The following CISD2 variants were observed in gnomAD, a reference collection of about 807,000 sequenced individuals.
The protein encoded by CISD2 is CDGSH iron sulfur domain 2, also known as CDGSH iron-sulfur domain-containing protein 2.
In CISD2, 1 loss-of-function variant was observed where a neutral mutation model predicts 12.9. The ratio of observed to expected loss-of-function variants is 0.08; its 90% confidence interval spans 0.03 to 0.37. The LOEUF (loss-of-function observed/expected upper bound fraction) is 0.37, where lower values mean the gene tolerates loss of function less well. Among genes scored for constraint, CISD2 ranks in the 10% least tolerant of loss-of-function variants. CISD2 has a pLI of 0.99. For synonymous variants in CISD2, 50 were observed against 60.6 expected, an observed-to-expected ratio of 0.83 and a Z score of 0.81; for missense variants, 97 against 163.1, an observed-to-expected ratio of 0.59 and a Z score of 2.21.
intron 1 of CISD2, 157 bp from the exon 2 acceptor site, chr4:102,885,059 C>A: frequency 1.5e-6 from 1 of 650,836 alleles, no homozygotes; most frequent in Non-Finnish European, 2.8e-6. Flanking sequence ...TTTGGTAGAG[C>A]TGGCTTTATT....
chr4:102,873,412 C>G (rs946386069), intron 1 of CISD2, among the ~76,000 whole-genome samples: 10 of 152,068 alleles, frequency 6.6e-5, no homozygotes, highest in African/African-American at 2.4e-4. Context: ...GCTGGTACTA[C>G]AGGTGCACGC....
intron 1 of CISD2, among the ~76,000 whole-genome samples, chr4:102,883,796 T>C (rs1733786858): frequency 6.6e-6 from 1 of 152,246 alleles, no homozygotes; most frequent in Non-Finnish European, 1.5e-5. Context: ...TTCCTGAAGA[T>C]TTTTGCCCAT....
At chr4:102,877,319 C>G (rs1733615021) in intron 1 of CISD2, among the ~76,000 whole-genome samples, 1 of 152,168 alleles carries the variant, frequency 6.6e-6, no homozygotes. Flanking sequence ...ACACCTATTC[C>G]AAATGGGCAA....
rs142339135 is a variant in CISD2 at position 102,869,136 on chromosome 4, C to T, written c.52C>T (p.Leu18=). The part of the protein sequence containing the change: ...RIVKVQLPAY[L]KRLPVPESIT... ...CGTGAAGGTGCAGCTCCCTGCATAT[C>T]TGAAGCGGCTCCCAGTCCCTGAAAG... Residue 18 remains leucine, a synonymous_variant, in exon 1 of 3, where the codon CTG becomes TTG. Coordinates refer to ENST00000273986, the MANE Select transcript of CISD2 (RefSeq NM_001008388.5). 1.8e-3 allele frequency: 2,971 copies of T among 1,613,030 alleles called. 7 individuals are homozygous for T. Among genetic ancestry groups the T allele is most frequent in the Non-Finnish European group, 2.3e-3 (2,689 of 1,179,596 alleles).
chr4:102,873,570 T>C (rs7690652), intron 1 of CISD2, among the ~76,000 whole-genome samples: 2,457 of 152,022 alleles, frequency 0.016, 64 homozygotes, highest in African/African-American at 0.053. Flanking sequence ...GCACTGTGAG[T>C]GGCCTAGATT....
At chr4:102,879,561 T>TG (rs1733668104) in intron 1 of CISD2, among the ~76,000 whole-genome samples, 1 of 152,084 alleles carries the variant, frequency 6.6e-6, no homozygotes, top group Non-Finnish European at 1.5e-5. Context: ...GGCAGGCAGA[T>TG]GGGAGTTTGA....
chr4:102,884,947 T>C (rs1733830666), intron 1 of CISD2: 7 of 403,502 alleles, frequency 1.7e-5, no homozygotes, highest in Admixed American at 3.8e-5. Flanking sequence ...ACAAATAGAC[T>C]TGATGTAGAC....
At chr4:102,870,877 A>G (rs1733427349) in intron 1 of CISD2, among the ~76,000 whole-genome samples, 1 of 152,210 alleles carries the variant, frequency 6.6e-6, no homozygotes, top group African/African-American at 2.4e-5. Context: ...GAAATTAGAA[A>G]TGTTTCTATT....
At position 102,887,226 on chromosome 4, in the gene CISD2, C is replaced by T. The variant is rs189167287; in HGVS notation, c.319-115C>T. The T allele has an allele frequency of 1.5e-4, 103 of 671,522 alleles. No homozygotes were observed. In the East Asian group the frequency reaches 2.2e-3, roughly 14 times the overall value. The allele number at this position is 671,522 out of a possible 1,614,324, so 41.6% of individuals were successfully genotyped here. A position where few individuals can be genotyped will look rare whatever the true frequency, so the allele number is the denominator to read the frequency against. ...AGAATGTAACTATTACTCAGGAAAA[C>T]GATCTGATTTTTTTTAGCAAGTGAT... On this transcript the variant is annotated intron_variant, in intron 2 of 2. Coordinates refer to ENST00000273986, the MANE Select transcript of CISD2 (RefSeq NM_001008388.5).
At chr4:102,885,048 CT>C (rs1733834846) in intron 1 of CISD2, 167 bp from the exon 2 acceptor site, 1 of 619,922 alleles carries the variant, frequency 1.6e-6, no homozygotes, top group African/African-American at 1.8e-5. Context: ...GTAAGGTGGT[CT>C]TTGGTAGAGC....
intron 1 of CISD2, 102 bp downstream of exon 1, chr4:102,869,289 C>A: frequency 6.8e-7 from 1 of 1,467,060 alleles, no homozygotes; most frequent in Non-Finnish European, 9.3e-7. Flanking sequence ...GAGCTCGGCG[C>A]CTGGCACGTG....
At chr4:102,880,484 A>G (rs1298167193) in intron 1 of CISD2, among the ~76,000 whole-genome samples, 1 of 152,160 alleles carries the variant, frequency 6.6e-6, no homozygotes, top group Admixed American at 6.6e-5. Flanking sequence ...TCCTAAGACA[A>G]AAATAAATAA....
intron 1 of CISD2, among the ~76,000 whole-genome samples, chr4:102,876,220 A>G (rs527408132): frequency 6.5e-4 from 99 of 152,300 alleles, no homozygotes; most frequent in Non-Finnish European, 1.2e-3. Flanking sequence ...TGTTGAACAA[A>G]TGAGCTTACA....
chr4:102,877,037 A>C (rs1487328794), intron 1 of CISD2, among the ~76,000 whole-genome samples: 1 of 152,214 alleles, frequency 6.6e-6, no homozygotes, highest in African/African-American at 2.4e-5. Context: ...TATGGGGATT[A>C]TAAGAGGTGA....
At chr4:102,869,556 C>T (rs1184802104) in intron 1 of CISD2, 5 of 701,056 alleles carry the variant, frequency 7.1e-6, no homozygotes, top group Non-Finnish European at 1.0e-5. Context: ...TCGTCGTTAT[C>T]TAAGGCCTCA....
intron 1 of CISD2, among the ~76,000 whole-genome samples, chr4:102,878,213 G>A (rs925072165): frequency 8.5e-5 from 13 of 152,124 alleles, no homozygotes; most frequent in African/African-American, 3.1e-4. Context: ...TCAGCTTGCT[G>A]CAACCTCCGC....
At chr4:102,873,728 CAAAAA>C (rs35907341) in intron 1 of CISD2, among the ~76,000 whole-genome samples, 2 of 78,428 alleles carry the variant, frequency 2.6e-5, no homozygotes, top group Non-Finnish European at 5.0e-5. Flanking sequence ...GAAACCGTCT[CAAAAA>C]AAAAAAAAAA....
intron 1 of CISD2, among the ~76,000 whole-genome samples, chr4:102,873,728 CAAA>C (rs35907341): frequency 5.5e-4 from 43 of 78,402 alleles, no homozygotes; most frequent in African/African-American, 2.0e-3. Flanking sequence ...GAAACCGTCT[CAAA>C]AAAAAAAAAA....
intron 1 of CISD2, among the ~76,000 whole-genome samples, chr4:102,883,091 T>C (rs567728703): frequency 2.6e-4 from 40 of 152,282 alleles, no homozygotes; most frequent in African/African-American, 9.6e-4. Flanking sequence ...TATTATGCTT[T>C]AATATCTTAG....
Sources: allele counts gnomAD v4.1 joint callset (sites outside exome capture counted in the v4.1 genomes callset), GRCh38; gene constraint gnomAD v4.1.1; transcripts MANE v1.5; gene names NCBI Gene and HGNC (gene_info 2026-07-23, HGNC 2026-07-21).